The following CAPZB variants were observed in gnomAD, a reference collection of about 807,000 sequenced individuals.
CAPZB encodes the protein F-actin-capping protein subunit beta.
In CAPZB, 2 loss-of-function variants were observed where a neutral mutation model predicts 38.1. The ratio of observed to expected loss-of-function variants is 0.05; its 90% CI spans 0.02 to 0.17. CAPZB has a LOEUF of 0.17. CAPZB is among the 10% of genes least tolerant of loss of function. CAPZB has a pLI of 1.00. For missense variants in CAPZB, 161 were observed against 334.2 expected, an observed-to-expected ratio of 0.48 and a Z score of 4.04; for synonymous variants, 107 against 127.4, an observed-to-expected ratio of 0.84 and a Z score of 1.08.
intron 4 of CAPZB, among the ~76,000 whole-genome samples, chr1:19,378,310 A>G (rs1028869098): frequency 1.5e-4 from 23 of 152,204 alleles, no homozygotes; most frequent in Admixed American, 8.5e-4. Flanking sequence ...TGACCGAGTC[A>G]TCTCATAACC....
At position 19,392,158 on chromosome 1, in the gene CAPZB, G is replaced by A. The variant is rs374394474; in HGVS notation, c.94-6532C>T. Among the ~76,000 whole-genome samples, 5 of 151,354 alleles carry A rather than the reference G, an allele frequency of 3.3e-5. No homozygotes were observed. The East Asian group carries it at 5.8e-4, about 18-fold the overall frequency. ...AGACTGTGTCACTGCACTGTAGCCT[G>A]TGCGACACAGAGAGACTCTGTCTCA... On this transcript the variant is annotated intron_variant, in intron 2 of 8. Coordinates refer to ENST00000264202, the MANE Select transcript of CAPZB (RefSeq NM_004930.5).
At chr1:19,362,764 TCAATCCCCA>T (rs1196782654) in intron 4 of CAPZB, among the ~76,000 whole-genome samples, 1 of 152,024 alleles carries the variant, frequency 6.6e-6, no homozygotes, top group East Asian at 1.9e-4. Flanking sequence ...AGGGCTGAAA[TCAATCCCCA>T]CAGTCAAGAG....
intron 1 of CAPZB, chr1:19,449,396 T>G: frequency 1.1e-6 from 1 of 950,006 alleles, no homozygotes; most frequent in Non-Finnish European, 1.3e-6. Flanking sequence ...CTAGCATCCT[T>G]AAGGTGAGGA....
intron 1 of CAPZB, among the ~76,000 whole-genome samples, chr1:19,432,710 G>A (rs561477102): frequency 6.6e-6 from 1 of 152,220 alleles, no homozygotes; most frequent in Non-Finnish European, 1.5e-5. Context: ...GGCCCTGAAG[G>A]GTTAGGTGAC....
At chr1:19,370,191 C>T (rs1225236873) in intron 4 of CAPZB, among the ~76,000 whole-genome samples, 1 of 152,224 alleles carries the variant, frequency 6.6e-6, no homozygotes, top group Non-Finnish European at 1.5e-5. Context: ...ACTGGGAATC[C>T]CTTCAGGGCG....
chr1:19,477,728 G>C (rs2094611819), intron 1 of CAPZB, among the ~76,000 whole-genome samples: 1 of 152,216 alleles, frequency 6.6e-6, no homozygotes, highest in African/African-American at 2.4e-5. Context: ...AGCAGATAGG[G>C]TGCAATGCAA....
intron 2 of CAPZB, among the ~76,000 whole-genome samples, chr1:19,393,222 C>T (rs1454768930): frequency 2.0e-5 from 3 of 152,254 alleles, no homozygotes; most frequent in South Asian, 2.1e-4. Flanking sequence ...AATGAGAAGG[C>T]ACCTGCACAG....
intron 2 of CAPZB, among the ~76,000 whole-genome samples, chr1:19,407,412 A>G (rs1453512273): frequency 6.6e-6 from 1 of 152,160 alleles, no homozygotes; most frequent in African/African-American, 2.4e-5. Context: ...ACCCTCACAC[A>G]TAGACTGGGG....
intron 1 of CAPZB, among the ~76,000 whole-genome samples, chr1:19,439,707 C>T (rs552269713): frequency 3.9e-5 from 6 of 152,250 alleles, no homozygotes; most frequent in South Asian, 2.1e-4. Context: ...GCTTCCCTCC[C>T]GGCTGACACT....
chr1:19,441,126 C>T lies in CAPZB; in HGVS notation c.4-21376G>A, dbSNP rs142153665. On this transcript the variant is annotated intron_variant, in intron 1 of 8. Coordinates refer to ENST00000264202, the MANE Select transcript of CAPZB (RefSeq NM_004930.5). ...GCTAAAACCTTATGCAGAAAGTCCA[C>T]GAAATTTGAAAATATACATCATATA... Among the ~76,000 whole-genome samples the T allele has an allele frequency of 4.5e-4, 68 of 152,282 alleles. No homozygotes were observed. In the East Asian group the frequency reaches 9.6e-3, roughly 22 times the overall value.
chr1:19,461,344 GAACGT>G (rs1367615072), intron 1 of CAPZB, among the ~76,000 whole-genome samples: 2 of 152,180 alleles, frequency 1.3e-5, no homozygotes, highest in East Asian at 3.9e-4. Context: ...AGGGACAACT[GAACGT>G]TGTAGGACCA....
chr1:19,435,574 AG>A (rs1271900261), intron 1 of CAPZB, among the ~76,000 whole-genome samples: 1 of 152,244 alleles, frequency 6.6e-6, no homozygotes, highest in Non-Finnish European at 1.5e-5. Context: ...CAGCTATAAT[AG>A]TAATAGCTAA....
chr1:19,355,259 C>T (rs576224734), intron 6 of CAPZB, among the ~76,000 whole-genome samples: 1 of 152,162 alleles, frequency 6.6e-6, no homozygotes, highest in South Asian at 2.1e-4. Context: ...TTTGGGAGAC[C>T]GAGGTGGGCG....
chr1:19,443,425 A>G (rs1416827209), intron 1 of CAPZB, among the ~76,000 whole-genome samples: 1 of 152,054 alleles, frequency 6.6e-6, no homozygotes, highest in African/African-American at 2.4e-5. Flanking sequence ...ATAAAAATCC[A>G]TTCCTTTTTT....
At chr1:19,440,467 GC>G (rs1354777413) in intron 1 of CAPZB, among the ~76,000 whole-genome samples, 1 of 152,180 alleles carries the variant, frequency 6.6e-6, no homozygotes, top group African/African-American at 2.4e-5. Context: ...AACCCTCACA[GC>G]TCAGTCCAAA....
intron 1 of CAPZB, among the ~76,000 whole-genome samples, chr1:19,467,725 A>G (rs2094573494): frequency 6.6e-6 from 1 of 152,224 alleles, no homozygotes; most frequent in Non-Finnish European, 1.5e-5. Context: ...CCCAGTGCAG[A>G]GAGGCCAGAG....
At chr1:19,460,638 C>T (rs556695996) in intron 1 of CAPZB, among the ~76,000 whole-genome samples, 38 of 137,126 alleles carry the variant, frequency 2.8e-4, no homozygotes, top group African/African-American at 1.1e-3. Context: ...GTCTCAAGCT[C>T]CTGAGCTCAA....
At chr1:19,366,593 CAGG>C (rs1004309243) in intron 4 of CAPZB, among the ~76,000 whole-genome samples, 2 of 151,972 alleles carry the variant, frequency 1.3e-5, no homozygotes, top group African/African-American at 4.8e-5. Flanking sequence ...GAGGCTGAGA[CAGG>C]AGAATTGCTT....
chr1:19,353,375 C>CGAGT (rs1272304832), intron 6 of CAPZB, among the ~76,000 whole-genome samples: 1 of 152,090 alleles, frequency 6.6e-6, no homozygotes, highest in Non-Finnish European at 1.5e-5. Flanking sequence ...AGGAGGAACT[C>CGAGT]GAGTGAGGGG....
Sources: allele counts gnomAD v4.1 joint callset (sites outside exome capture counted in the v4.1 genomes callset), GRCh38; gene constraint gnomAD v4.1.1; transcripts MANE v1.5; gene names NCBI Gene and HGNC (gene_info 2026-07-23, HGNC 2026-07-21).